The following DGKD variants were observed in gnomAD, a reference collection of about 807,000 sequenced individuals.
DGKD encodes the protein diacylglycerol kinase delta.
Under a neutral mutation model 154.4 loss-of-function variants are expected in DGKD, and 68 were observed. That is an observed-to-expected ratio of 0.44 (90% CI 0.36 to 0.54). The LOEUF (loss-of-function observed/expected upper bound fraction) is 0.54. DGKD is among the 20% of genes least tolerant of loss of function. The pLI is 0.00. For missense variants in DGKD, 1,343 were observed against 1,593.6 expected, an observed-to-expected ratio of 0.84 and a Z score of 2.68; for synonymous variants, 693 against 638.0, an observed-to-expected ratio of 1.09 and a Z score of -1.30.
rs138782402 is a variant in DGKD at position 233,452,037 on chromosome 2, C to T, written c.2241C>T (p.Pro747=). The change falls in exon 18 of 30, where the codon CCC becomes CCT. Residue 747 remains proline, a synonymous_variant. Transcript: ENST00000264057. The surrounding 1 kb of genome is among the most constrained non-coding windows in gnomAD (Gnocchi z 4.0). ...VISRLLINAD[P]FNSEPETLEY... ...GTCGCCTGTTAATTAATGCTGATCC[C>T]TTCAACTCTGAACCAGAAACCCTGT... 1.1e-4 allele frequency: 182 copies of T among 1,614,042 alleles called. No individual in the cohort carries two copies. In the African/African-American group the frequency reaches 2.3e-3, roughly 20 times the overall value.
At chr2:233,451,292 TGAG>T (rs141395771) in intron 17 of DGKD, among the ~76,000 whole-genome samples, 16,869 of 151,620 alleles carry the variant, frequency 0.11, 1,072 homozygotes, top group African/African-American at 0.16. Context: ...GAGGCGCCAT[TGAG>T]GAGGTGATGC....
At chr2:233,405,023 G>T (rs1288982127) in intron 3 of DGKD, among the ~76,000 whole-genome samples, 1 of 152,190 alleles carries the variant, frequency 6.6e-6, no homozygotes, top group East Asian at 1.9e-4. Flanking sequence ...AAAAGGACAG[G>T]CCGGCCCTTG....
At chr2:233,407,535 G>A (rs1230192756) in intron 3 of DGKD, among the ~76,000 whole-genome samples, 3 of 152,174 alleles carry the variant, frequency 2.0e-5, no homozygotes, top group Admixed American at 6.5e-5. Flanking sequence ...GGAGACCAAG[G>A]CAGGAGAATC....
intron 3 of DGKD, among the ~76,000 whole-genome samples, chr2:233,399,684 T>G (rs1459842175): frequency 6.6e-6 from 1 of 152,078 alleles, no homozygotes; most frequent in Non-Finnish European, 1.5e-5. Context: ...GGGAAGCCAT[T>G]AAGATTTTAA....
At chr2:233,428,835 C>A (rs1417135038) in intron 3 of DGKD, among the ~76,000 whole-genome samples, 1 of 152,136 alleles carries the variant, frequency 6.6e-6, no homozygotes, top group East Asian at 1.9e-4. Context: ...CTCTCTCAGG[C>A]TTCTTCACAA....
At chr2:233,380,662 A>ATGTGTG (rs369040167) in intron 1 of DGKD, among the ~76,000 whole-genome samples, 1 of 150,406 alleles carries the variant, frequency 6.6e-6, no homozygotes, top group Non-Finnish European at 1.5e-5. Context: ...AGCAGTGAGG[A>ATGTGTG]TGTGTGTGTG....
Position 233,459,792 on chromosome 2 carries a change from G to C in DGKD, c.2730G>C (p.Glu910Asp). Residue 910 changes from glutamate to aspartate, a missense_variant, in exon 23 of 30, where the codon GAG becomes GAC. By Grantham distance (45) the Glu-to-Asp change is conservative. Around this residue, in one of 6 missense-constraint regions of DGKD, gnomAD observed 429 missense variants for 496.3 expected, o/e 0.86. Transcript: ENST00000264057. This position sits in a 1 kb window ranked among gnomAD's most constrained non-coding sequence, Gnocchi z 5.7. ...TGAAGATCTCCATCCTTGGGGATGA[G>C]GGCGTGCCTGTGCAGGTGGACGGAG... ...RTVKISILGD[E>D]GVPVQVDGEA... 6.2e-7 allele frequency: 1 copy of C among 1,613,898 alleles called. No individual in the cohort carries two copies. Among genetic ancestry groups the C allele is most frequent in the South Asian group, 1.1e-5 (1 of 91,076 alleles).
intron 3 of DGKD, among the ~76,000 whole-genome samples, chr2:233,426,289 C>T (rs1161874205): frequency 1.3e-5 from 2 of 152,136 alleles, no homozygotes; most frequent in African/African-American, 4.8e-5. Context: ...GGCAGCTCTG[C>T]ACACTTTTCT....
intron 3 of DGKD, among the ~76,000 whole-genome samples, chr2:233,419,684 G>A (rs1454279286): frequency 6.6e-6 from 1 of 152,182 alleles, no homozygotes; most frequent in Non-Finnish European, 1.5e-5. Flanking sequence ...AGAGGCTTGT[G>A]TGTGGTGAAT....
At chr2:233,378,956 A>G (rs374421255) in intron 1 of DGKD, among the ~76,000 whole-genome samples, 2 of 152,324 alleles carry the variant, frequency 1.3e-5, no homozygotes, top group South Asian at 2.1e-4. Context: ...TCTTGAGCCC[A>G]AGAGGTCAAG....
At position 233,436,458 on chromosome 2, in the gene DGKD, C is replaced by A. The variant is rs1180064256; in HGVS notation, c.819+17C>A. On this transcript the variant is annotated intron_variant, in intron 7 of 29. Transcript: ENST00000264057. ...AAGGCCATGGTGAGTGTGGGCCCTGCGCCCGGGCTGGAGGGGAGGGCTTGC... is the reference window on the plus strand; with the variant it reads ...AAGGCCATGGTGAGTGTGGGCCCTGAGCCCGGGCTGGAGGGGAGGGCTTGC... 6.2e-7 allele frequency: 1 copy of A among 1,607,214 alleles called. No homozygotes were observed. The highest frequency in any genetic ancestry group is 1.1e-5 in the South Asian group (1 of 90,850).
Position 233,387,457 on chromosome 2 carries a change from G to A in DGKD, c.157-800G>A, listed in dbSNP as rs902371142. Among the ~76,000 whole-genome samples, 5 of 152,248 alleles carry A rather than the reference G, an allele frequency of 3.3e-5. No individual in the cohort carries two copies. The East Asian group carries it at 9.7e-4, about 29-fold the overall frequency. ...TCTTTTTGATTGTGTTAATGGCTCC[G>A]AGTACGTCAAAACATCTCATGACCA... On this transcript the variant is annotated intron_variant, in intron 1 of 29. Coordinates refer to ENST00000264057, the MANE Select transcript of DGKD (RefSeq NM_152879.3).
At position 233,469,361 on chromosome 2, in the gene DGKD, T is replaced by C; in HGVS notation, c.3556-10T>C. On this transcript the variant is annotated splice_polypyrimidine_tract_variant and intron_variant, in intron 29 of 29. Coordinates refer to ENST00000264057, the MANE Select transcript of DGKD (RefSeq NM_152879.3). ...TCTCGGCATCCATGGCGGTGTCTTCTCTGTTGCAGGACCTGGGCGTGACCA... is the reference window on the plus strand; with the variant it reads ...TCTCGGCATCCATGGCGGTGTCTTCCCTGTTGCAGGACCTGGGCGTGACCA... The C allele has an allele frequency of 6.2e-7, 1 of 1,608,150 alleles. No homozygotes were observed. The highest frequency in any genetic ancestry group is 1.1e-5 in the South Asian group (1 of 89,610).
At chr2:233,374,018 A>ATT (rs200014683) in intron 1 of DGKD, among the ~76,000 whole-genome samples, 1 of 146,242 alleles carries the variant, frequency 6.8e-6, no homozygotes, top group African/African-American at 2.5e-5. Flanking sequence ...TTTTAGTTTA[A>ATT]TTTTTTTTTT....
chr2:233,355,054 C>T (rs1293835641), intron 1 of DGKD, among the ~76,000 whole-genome samples: 1 of 151,978 alleles, frequency 6.6e-6, no homozygotes, highest in East Asian at 1.9e-4. Flanking sequence ...CGGCTGCGCC[C>T]CGCGGGCGTC....
At chr2:233,393,560 C>T (rs989645067) in intron 3 of DGKD, among the ~76,000 whole-genome samples, 6 of 151,040 alleles carry the variant, frequency 4.0e-5, no homozygotes, top group African/African-American at 1.2e-4. Context: ...CTGGTCTTGA[C>T]CTCCTGACCT....
intron 16 of DGKD, among the ~76,000 whole-genome samples, chr2:233,450,425 A>C (rs1042264288): frequency 5.3e-5 from 8 of 151,174 alleles, no homozygotes; most frequent in African/African-American, 2.0e-4. Flanking sequence ...CTTCCTTGGA[A>C]CCACACTGGG....
chr2:233,401,919 CAAAAAAAAAAAAAA>C (rs34388122), intron 3 of DGKD, among the ~76,000 whole-genome samples: 2 of 54,808 alleles, frequency 3.6e-5, no homozygotes, highest in African/African-American at 8.9e-5. Flanking sequence ...GACTCTGTCT[CAAAAAAAAAAAAAA>C]AAAAAAAAAA....
At chr2:233,420,806 G>A (rs1038548881) in intron 3 of DGKD, among the ~76,000 whole-genome samples, 1 of 152,162 alleles carries the variant, frequency 6.6e-6, no homozygotes, top group Admixed American at 6.5e-5. Flanking sequence ...TGGTTTTCGT[G>A]GCCTCTGTAG....
Sources: gnomAD v4.1 joint callset for allele counts (sites outside exome capture counted in the v4.1 genomes callset) on GRCh38, gnomAD v4.1.1 for gene constraint, gnomAD v4.1.1 regional missense constraint, Gnocchi (gnomAD v3.1) non-coding constraint, MANE v1.5 for transcripts, NCBI Gene and HGNC (gene_info 2026-07-23, HGNC 2026-07-21) for gene names.